Variants in SLC27A1 observed in about 807,000 individuals in gnomAD.
SLC27A1 encodes solute carrier family 27 member 1.
SLC27A1 carries 61 observed loss-of-function variants against 62.2 expected under a neutral mutation model. The ratio of observed to expected loss-of-function variants is 0.98; its 90% CI spans 0.80 to 1.21. The LOEUF is 1.21. SLC27A1 is among the 50% of genes most tolerant of loss of function. The pLI is 0.00. For synonymous variants in SLC27A1, 435 were observed against 408.6 expected (o/e 1.06, Z -0.78); for missense variants, 903 against 932.1 (o/e 0.97, Z 0.41).
chr19:17,497,278 C>A lies in SLC27A1; in HGVS notation c.1020C>A (p.Ile340=), dbSNP rs375208112. 6.2e-7 allele frequency: 1 copy of A among 1,605,330 alleles called. No homozygotes were observed. Among genetic ancestry groups the A allele is most frequent in the Admixed American group, 1.7e-5 (1 of 57,198 alleles). The part of the protein sequence containing the change: ...NCTVVQYIGE[I]CRYLLKQPVR... ...AGGTGGTTCAGTACATCGGGGAGAT[C>A]TGCCGCTACCTGCTGAAGCAGCCGG... Residue 340 remains isoleucine (I), a synonymous_variant, in exon 7 of 12, where the codon ATC becomes ATA. Coordinates refer to ENST00000252595, the MANE Select transcript of SLC27A1 (RefSeq NM_198580.3).
chr19:17,494,443 T>G (rs1313007240), intron 6 of SLC27A1, among the ~76,000 whole-genome samples: 1 of 152,068 alleles, frequency 6.6e-6, no homozygotes, highest in Non-Finnish European at 1.5e-5. Flanking sequence ...TTCTCCTGCC[T>G]CAGGCTCCTG....
rs576469342 is a variant in SLC27A1 at position 17,504,293 on chromosome 19, G to C, written c.1784-162G>C. On this transcript the variant is annotated intron_variant, in intron 11 of 11. Transcript: ENST00000252595. ...ACTGGAGGAGGGGGCATGAAGCCAG[G>C]ATCTGACAGACAAGGGGGAATCAGG... is the stretch of plus-strand genomic sequence containing the variant. Among the ~76,000 whole-genome samples the C allele has an allele frequency of 3.9e-5, 6 of 152,286 alleles. No individual in the cohort carries two copies. In the South Asian group the frequency reaches 1.2e-3, roughly 32 times the overall value.
At chr19:17,502,609 CT>C (rs1158564483) in intron 11 of SLC27A1, among the ~76,000 whole-genome samples, 1 of 152,038 alleles carries the variant, frequency 6.6e-6, no homozygotes, top group African/African-American at 2.4e-5. Flanking sequence ...CTGCCTTGGC[CT>C]CCCAAAGTGT....
intron 1 of SLC27A1, among the ~76,000 whole-genome samples, chr19:17,478,321 G>T (rs1289469055): frequency 6.6e-6 from 1 of 151,476 alleles, no homozygotes; most frequent in Non-Finnish European, 1.5e-5. Context: ...ACAAAAATTA[G>T]CCAGGTGTGG....
intron 1 of SLC27A1, among the ~76,000 whole-genome samples, chr19:17,482,212 G>A (rs931451623): frequency 3.3e-5 from 5 of 152,170 alleles, no homozygotes; most frequent in African/African-American, 4.8e-5. Context: ...TACATTGCAC[G>A]TGGCGTTTAA....
intron 1 of SLC27A1, among the ~76,000 whole-genome samples, chr19:17,484,661 G>GTGAATGAAGATGGAATGAATGATGGAA (rs2075211316): frequency 6.6e-6 from 1 of 151,580 alleles, no homozygotes; most frequent in Non-Finnish European, 1.5e-5. Context: ...TAGGGAATGA[G>GTGAATGAAGATGGAATGAATGATGGAA]TGAATGAAGA....
chr19:17,475,205 C>T (rs749240092), intron 1 of SLC27A1, among the ~76,000 whole-genome samples: 6 of 152,166 alleles, frequency 3.9e-5, no homozygotes, highest in South Asian at 2.1e-4. Flanking sequence ...TGAACCACTG[C>T]GCCCAGCCCT....
chr19:17,501,391 G>A lies in SLC27A1; in HGVS notation c.1755G>A (p.Leu585=), dbSNP rs755624741. 1 of 1,613,632 alleles carries A rather than the reference G, an allele frequency of 6.2e-7. No individual in the cohort carries two copies. Among genetic ancestry groups the A allele is most frequent in the Non-Finnish European group, 8.5e-7 (1 of 1,179,892 alleles). The change falls in exon 11 of 12, where the codon CTG becomes CTA. Residue 585 remains leucine (L), a synonymous_variant. Transcript: ENST00000252595. ...VLAPYARPIF[L]RLLPQVDTTG... Reference sequence around the variant, plus strand: ...CACCCTATGCCCGGCCCATCTTCCTGCGCCTCCTGCCCCAGGTGGACACCA... The same window carrying A: ...CACCCTATGCCCGGCCCATCTTCCTACGCCTCCTGCCCCAGGTGGACACCA...
chr19:17,501,541 C>G (rs142771530), intron 11 of SLC27A1, 122 bp downstream of exon 11: 9 of 1,349,454 alleles, frequency 6.7e-6, no homozygotes, highest in Non-Finnish European at 8.0e-6. Context: ...CGGTGGCTCA[C>G]GCCTGTAATC....
intron 11 of SLC27A1, among the ~76,000 whole-genome samples, chr19:17,503,923 CTA>C (rs1287407583): frequency 1.0e-5 from 1 of 98,650 alleles, no homozygotes; most frequent in Non-Finnish European, 1.8e-5. Flanking sequence ...CAAAGCAAGA[CTA>C]TGTCTCAAAA....
chr19:17,477,133 C>G (rs1272235895), intron 1 of SLC27A1, among the ~76,000 whole-genome samples: 2 of 151,780 alleles, frequency 1.3e-5, no homozygotes, highest in African/African-American at 4.8e-5. Flanking sequence ...AAGTGATCCA[C>G]CCACCTTGGC....
chr19:17,475,076 G>A (rs62126778), intron 1 of SLC27A1, among the ~76,000 whole-genome samples: 21,661 of 151,482 alleles, frequency 0.14, 1,756 homozygotes, highest in Non-Finnish European at 0.19. Flanking sequence ...CACCACACCC[G>A]GATAATTTTT....
chr19:17,476,756 C>T (rs944595686), intron 1 of SLC27A1, among the ~76,000 whole-genome samples: 2 of 152,044 alleles, frequency 1.3e-5, no homozygotes, highest in African/African-American at 2.4e-5. Flanking sequence ...TTCCCCACTC[C>T]GAGCCCCCAG....
In SLC27A1 at chr19:17,504,698, A is replaced by G. The variant is rs1317090789; in HGVS notation, c.*86A>G. 1 of 1,551,636 alleles carries G rather than the reference A, an allele frequency of 6.4e-7. No individual in the cohort carries two copies. Among genetic ancestry groups the G allele is most frequent in the African/African-American group, 1.4e-5 (1 of 73,374 alleles). ...CAGCGCTGCCCAGGGGTGGCCGCCTAGTACACACCCACCTGGCCGAGCTGT... is the reference window on the plus strand; with the variant it reads ...CAGCGCTGCCCAGGGGTGGCCGCCTGGTACACACCCACCTGGCCGAGCTGT... On this transcript the variant is annotated 3_prime_UTR_variant, in exon 12 of 12. Coordinates refer to ENST00000252595, the MANE Select transcript of SLC27A1 (RefSeq NM_198580.3).
chr19:17,480,874 G>A (rs1169645014), intron 1 of SLC27A1, among the ~76,000 whole-genome samples: 3 of 151,170 alleles, frequency 2.0e-5, no homozygotes, highest in African/African-American at 4.9e-5. Flanking sequence ...CTTTGCGTCC[G>A]TGCGTATTCA....
intron 6 of SLC27A1, 31 bp downstream of exon 6, chr19:17,489,148 C>G (rs1368105437): frequency 1.0e-5 from 16 of 1,580,962 alleles, no homozygotes; most frequent in African/African-American, 2.7e-5. Flanking sequence ...GTCTAGACCC[C>G]GCCCCTCCCA....
At chr19:17,493,164 C>T (rs1465397589) in intron 6 of SLC27A1, among the ~76,000 whole-genome samples, 2 of 148,012 alleles carry the variant, frequency 1.4e-5, no homozygotes, top group Admixed American at 6.7e-5. Context: ...CCGGGCGCGG[C>T]GGCTCACGCC....
At chr19:17,485,505 GTTT>G (rs2075220963) in intron 1 of SLC27A1, among the ~76,000 whole-genome samples, 3 of 65,446 alleles carry the variant, frequency 4.6e-5, no homozygotes, top group Non-Finnish European at 6.9e-5. Context: ...TTTCTTGTTT[GTTT>G]GTTTGTTTGT....
In SLC27A1 at chr19:17,487,190, C is replaced by T. The variant is rs747951000; in HGVS notation, c.579C>T (p.Ser193=). ...GGACCACAGCGGTGGCCGAAGTGAGCGGGCATCTGGGGAAAAGTTTGATCA... is the reference window on the plus strand; with the variant it reads ...GGACCACAGCGGTGGCCGAAGTGAGTGGGCATCTGGGGAAAAGTTTGATCA... ...GEMVAAVAEV[S]GHLGKSLIKF... is the part of the protein sequence containing the mutation. The change falls in exon 3 of 12, where the codon AGC becomes AGT. Residue 193 remains serine (S), a synonymous_variant. Transcript: ENST00000252595. 12 of 1,613,958 alleles carry T rather than the reference C, an allele frequency of 7.4e-6. No individual in the cohort carries two copies. The highest frequency in any genetic ancestry group is 1.1e-5 in the South Asian group (1 of 91,082).
Sources: gnomAD v4.1 joint callset for allele counts (sites outside exome capture counted in the v4.1 genomes callset) on GRCh38, gnomAD v4.1.1 for gene constraint, MANE v1.5 for transcripts, NCBI Gene and HGNC (gene_info 2026-07-23, HGNC 2026-07-21) for gene names.